Variants in ASIC2 observed in about 807,000 individuals in gnomAD.
The protein encoded by ASIC2 is acid sensing ion channel subunit 2, also known as acid-sensing ion channel 2.
In ASIC2, 25 loss-of-function variants were observed where a neutral mutation model predicts 57.3. The ratio of observed to expected loss-of-function variants is 0.44; its 90% CI spans 0.32 to 0.61. The LOEUF (loss-of-function observed/expected upper bound fraction) is 0.61. Ranked by LOEUF, ASIC2 falls within the 20% of genes least tolerant of loss-of-function variation. ASIC2 has a pLI of 0.06. For synonymous variants in ASIC2, 319 were observed against 307.5 expected (o/e 1.04, Z -0.39); for missense variants, 641 against 738.1 (o/e 0.87, Z 1.52).
intron 1 of ASIC2, among the ~76,000 whole-genome samples, chr17:34,138,013 C>T (rs1330290236): frequency 6.6e-6 from 1 of 152,180 alleles, no homozygotes; most frequent in African/African-American, 2.4e-5. Flanking sequence ...AGAGTCAAAG[C>T]CAGTGAGCTG....
At chr17:33,320,566 C>T (rs1309742119) in intron 1 of ASIC2, among the ~76,000 whole-genome samples, 1 of 152,124 alleles carries the variant, frequency 6.6e-6, no homozygotes, top group African/African-American at 2.4e-5. Context: ...TGGACAGTAT[C>T]CTGTTTGAGG....
intron 1 of ASIC2, among the ~76,000 whole-genome samples, chr17:34,008,298 C>T (rs568898503): frequency 2.0e-5 from 3 of 152,276 alleles, no homozygotes; most frequent in South Asian, 4.2e-4. Context: ...ACTTGTTCTA[C>T]AGTAAGCCAA....
At chr17:33,213,864 T>C (rs937551262) in intron 1 of ASIC2, among the ~76,000 whole-genome samples, 1 of 152,206 alleles carries the variant, frequency 6.6e-6, no homozygotes, top group Non-Finnish European at 1.5e-5. Context: ...ACTGATTCTC[T>C]CCCTGGCCCC....
rs1258366261 is a variant in ASIC2, at chr17:33,291,429, G to A, written c.687C>T (p.Cys229=). 6.2e-7 allele frequency: 1 copy of A among 1,603,818 alleles called. No individual in the cohort carries two copies. The change falls in exon 1 of 10, where the codon TGC becomes TGT. Residue 229 remains cysteine, a synonymous_variant. Transcript: ENST00000225823. ...TCACGGAGGAGAAGTTGTGCGGCCCGCAGAGCTCGCCGCGGTACTTGCAGG... is the reference window on the plus strand; with the variant it reads ...TCACGGAGGAGAAGTTGTGCGGCCCACAGAGCTCGCCGCGGTACTTGCAGG... ...LLSCKYRGEL[C]GPHNFSSVFT... is the part of the protein sequence containing the mutation.
intron 1 of ASIC2, among the ~76,000 whole-genome samples, chr17:33,359,737 C>T (rs1453787849): frequency 6.6e-6 from 1 of 152,136 alleles, no homozygotes; most frequent in African/African-American, 2.4e-5. Flanking sequence ...AGTAGGGCAC[C>T]TTTTTGCCTT....
intron 1 of ASIC2, among the ~76,000 whole-genome samples, chr17:33,330,431 G>A (rs1907265413): frequency 6.6e-6 from 1 of 152,158 alleles, no homozygotes; most frequent in East Asian, 1.9e-4. Flanking sequence ...GAAGAATAAA[G>A]TCTGCGTGTA....
chr17:33,016,174 C>T (rs919739291), intron 8 of ASIC2, 135 bp from the exon 9 acceptor site: 3 of 733,802 alleles, frequency 4.1e-6, no homozygotes, highest in African/African-American at 3.5e-5. Context: ...CAAGCCCAGC[C>T]TGGCAGCCAG....
chr17:33,706,416 G>A (rs1056860745), intron 1 of ASIC2, among the ~76,000 whole-genome samples: 3 of 151,290 alleles, frequency 2.0e-5, no homozygotes, highest in African/African-American at 7.3e-5. Flanking sequence ...TAGAGACAAG[G>A]TTTCACGACG....
At chr17:33,741,153 G>A (rs1299529127) in intron 1 of ASIC2, among the ~76,000 whole-genome samples, 1 of 152,134 alleles carries the variant, frequency 6.6e-6, no homozygotes, top group African/African-American at 2.4e-5. Context: ...ACTGCCCAGG[G>A]TCTTCAGACC....
chr17:34,087,573 C>G (rs1384285067), intron 1 of ASIC2, among the ~76,000 whole-genome samples: 1 of 151,840 alleles, frequency 6.6e-6, no homozygotes, highest in Non-Finnish European at 1.5e-5. Flanking sequence ...TTTCCTGAAT[C>G]TGAATGTTGG....
intron 1 of ASIC2, among the ~76,000 whole-genome samples, chr17:33,907,049 G>T (rs1915364290): frequency 6.6e-6 from 1 of 152,068 alleles, no homozygotes; most frequent in Non-Finnish European, 1.5e-5. Context: ...ACAAGGGTTG[G>T]GTATAGAGAG....
intron 2 of ASIC2, among the ~76,000 whole-genome samples, chr17:33,099,298 T>G (rs2092200457): frequency 6.6e-6 from 1 of 152,146 alleles, no homozygotes; most frequent in Non-Finnish European, 1.5e-5. Flanking sequence ...ATTATAGTCA[T>G]GAGCCACCGC....
rs994283999 is a variant in ASIC2 at position 33,967,971 on chromosome 17, A to G, written c.555+188007T>C. The stretch of plus-strand genomic sequence containing the variant: ...CATTCTGTTCAGGGCCCTGCAAACT[A>G]TGTAGCCAGTCCTGGAAGCAGCTGC... On this transcript the variant is annotated intron_variant, in intron 1 of 9. Coordinates refer to the ASIC2 transcript ENST00000359872. Among the ~76,000 whole-genome samples, 5 of 152,146 alleles carry G rather than the reference A, an allele frequency of 3.3e-5. No homozygotes were observed. The South Asian group carries it at 6.2e-4, about 19-fold the overall frequency.
intron 1 of ASIC2, among the ~76,000 whole-genome samples, chr17:33,729,141 T>C (rs890145685): frequency 6.6e-6 from 1 of 151,862 alleles, no homozygotes; most frequent in Non-Finnish European, 1.5e-5. Context: ...CTCTGCAGAG[T>C]GTACAGGAAG....
intron 1 of ASIC2, among the ~76,000 whole-genome samples, chr17:33,920,608 A>G (rs1490326307): frequency 6.6e-6 from 1 of 152,202 alleles, no homozygotes; most frequent in African/African-American, 2.4e-5. Context: ...ATCGGGTACT[A>G]TGCTCACTAC....
intron 3 of ASIC2, among the ~76,000 whole-genome samples, chr17:33,059,475 C>A (rs1470841461): frequency 2.6e-5 from 4 of 152,180 alleles, no homozygotes; most frequent in African/African-American, 9.7e-5. Flanking sequence ...CATGTCCCCA[C>A]AAAAGACATG....
chr17:33,710,490 G>A (rs1165256785), intron 1 of ASIC2, among the ~76,000 whole-genome samples: 1 of 152,174 alleles, frequency 6.6e-6, no homozygotes, highest in Non-Finnish European at 1.5e-5. Context: ...TGGCACCTGT[G>A]GACGTGGGTC....
At chr17:33,223,947 A>G (rs150746559) in intron 1 of ASIC2, among the ~76,000 whole-genome samples, 2 of 152,344 alleles carry the variant, frequency 1.3e-5, no homozygotes, top group Non-Finnish European at 2.9e-5. Flanking sequence ...AGTCCTGGTC[A>G]CAGACACCAG....
At chr17:33,271,111 C>T (rs1323794256) in intron 1 of ASIC2, among the ~76,000 whole-genome samples, 1 of 152,168 alleles carries the variant, frequency 6.6e-6, no homozygotes, top group Non-Finnish European at 1.5e-5. Context: ...TGCTGTTGCA[C>T]AGAGCTGACC....
Sources: gnomAD v4.1 joint callset for allele counts (sites outside exome capture counted in the v4.1 genomes callset) on GRCh38, gnomAD v4.1.1 for gene constraint, MANE v1.5 for transcripts, NCBI Gene and HGNC (gene_info 2026-07-23, HGNC 2026-07-21) for gene names.